The following RFX7 variants were observed in gnomAD, a reference collection of about 807,000 sequenced individuals.
The protein encoded by RFX7 is DNA-binding protein RFX7.
A neutral mutation model predicts 111.8 loss-of-function variants in RFX7; 26 were observed. The ratio of observed to expected loss-of-function variants is 0.23; its 90% CI spans 0.17 to 0.32. RFX7 has a LOEUF of 0.32. Among genes scored for constraint, RFX7 ranks in the 10% least tolerant of loss-of-function variants. The probability of loss-of-function intolerance (pLI) is 1.00; values close to 1 mark genes in which losing one functional copy is unlikely to be tolerated. For synonymous variants in RFX7, 624 were observed against 624.4 expected (o/e 1.00, Z 0.01); for missense variants, 1,573 against 1,772.9 (o/e 0.89, Z 2.02).
At chr15:56,118,781 A>G (rs1296166606) in intron 5 of RFX7, among the ~76,000 whole-genome samples, 1 of 152,202 alleles carries the variant, frequency 6.6e-6, no homozygotes, top group African/African-American at 2.4e-5. Context: ...ACTATTCTCT[A>G]CAGTAGCTTT....
At chr15:56,170,578 T>C (rs1460413374) in intron 3 of RFX7, among the ~76,000 whole-genome samples, 2 of 152,186 alleles carry the variant, frequency 1.3e-5, no homozygotes, top group Non-Finnish European at 2.9e-5. Flanking sequence ...AGGGCAAATA[T>C]TGCCTCTGGT....
intron 5 of RFX7, among the ~76,000 whole-genome samples, chr15:56,141,418 T>C (rs2042391353): frequency 6.6e-6 from 1 of 151,706 alleles, no homozygotes; most frequent in Non-Finnish European, 1.5e-5. Flanking sequence ...TCATACATCT[T>C]CAACTGCCTC....
At chr15:56,098,480 C>T in intron 8 of RFX7, 104 bp from the exon 9 acceptor site, 1 of 1,183,690 alleles carries the variant, frequency 8.4e-7, no homozygotes, top group South Asian at 1.5e-5. Context: ...GACAAAGCAA[C>T]CAAAATGGCA....
Position 56,200,843 on chromosome 15 carries a change from T to C in RFX7, c.162-21540A>G, listed in dbSNP as rs1003326572. Among the ~76,000 whole-genome samples the C allele has an allele frequency of 2.6e-5, 4 of 151,568 alleles. No homozygotes were observed. The South Asian group carries it at 6.2e-4, about 24-fold the overall frequency. On this transcript the variant is annotated intron_variant, in intron 2 of 9. Coordinates refer to ENST00000559447, the MANE Select transcript of RFX7 (RefSeq NM_022841.7). ...GTCAGAGATAAGGCAGATCTTTAAA[T>C]TGAGAAAAACAAGAGGATAAATGTG... is the stretch of plus-strand genomic sequence containing the variant.
At chr15:56,202,792 A>G (rs2043206348) in intron 2 of RFX7, among the ~76,000 whole-genome samples, 2 of 152,216 alleles carry the variant, frequency 1.3e-5, no homozygotes, top group African/African-American at 4.8e-5. Context: ...AGTCTGGGCG[A>G]CAGGGCAAGA....
chr15:56,217,847 C>T (rs1053841157), intron 2 of RFX7, among the ~76,000 whole-genome samples: 4 of 152,134 alleles, frequency 2.6e-5, no homozygotes, highest in African/African-American at 4.8e-5. Flanking sequence ...TTCACTCAAT[C>T]GAGCCAATCT....
intron 5 of RFX7, among the ~76,000 whole-genome samples, chr15:56,140,331 T>G (rs1300314500): frequency 6.6e-6 from 1 of 152,212 alleles, no homozygotes; most frequent in Non-Finnish European, 1.5e-5. Context: ...CGCCGCTTTT[T>G]AAGCCCGTCG....
intron 2 of RFX7, among the ~76,000 whole-genome samples, chr15:56,241,531 A>T (rs548820265): frequency 6.6e-6 from 1 of 152,264 alleles, no homozygotes; most frequent in East Asian, 1.9e-4. Context: ...CAAGGTGCTT[A>T]ATTCAATTTA....
chr15:56,138,984 C>A (rs28808273), intron 5 of RFX7, among the ~76,000 whole-genome samples: 2,522 of 152,018 alleles, frequency 0.017, 87 homozygotes, highest in African/African-American at 0.057. Flanking sequence ...CCGAGAGATC[C>A]GCTGTTAGTC....
intron 5 of RFX7, among the ~76,000 whole-genome samples, chr15:56,135,298 A>T (rs1340577731): frequency 6.6e-5 from 10 of 152,218 alleles, no homozygotes; most frequent in South Asian, 2.1e-4. Context: ...CTTTTTAATG[A>T]TCGCCATTCT....
In RFX7 at chr15:56,219,148, T is replaced by C. The variant is rs777710410; in HGVS notation, c.161+23977A>G. On this transcript the variant is annotated intron_variant, in intron 2 of 9. Transcript: ENST00000559447. Reference sequence around the variant, plus strand: ...TTTAGTTAAATCAGTTCTTACTTCATATACATTGACACTCCAATATTAGAT... The same window carrying C: ...TTTAGTTAAATCAGTTCTTACTTCACATACATTGACACTCCAATATTAGAT... Among the ~76,000 whole-genome samples the C allele has an allele frequency of 1.5e-3, 221 of 152,312 alleles. 2 individuals carry two copies. The highest frequency in any genetic ancestry group is 2.1e-4 in the South Asian group (1 of 4,828).
chr15:56,243,226 G>A lies in RFX7; in HGVS notation c.60C>T (p.Pro20=), dbSNP rs2043731275. The A allele has an allele frequency of 1.5e-6, 2 of 1,328,856 alleles. No homozygotes were observed. Among genetic ancestry groups the A allele is most frequent in the South Asian group, 1.2e-5 (1 of 82,904 alleles). 82.3% of individuals were successfully genotyped at this position (1,328,856 alleles called of 1,614,324 possible). Residue 20 remains proline (P), a synonymous_variant, in exon 2 of 10, where the codon CCC becomes CCT. Transcript: ENST00000559447. ...PQQPDAHQQL[P]PSAPNSGVAL... is the part of the protein sequence containing the mutation. Reference sequence around the variant, plus strand: ...CCACCCCCGAGTTGGGGGCGCTGGGGGGAAGCTGCTGATGGGCATCAGGCT... The same window carrying A: ...CCACCCCCGAGTTGGGGGCGCTGGGAGGAAGCTGCTGATGGGCATCAGGCT...
In RFX7 at chr15:56,093,758, C is replaced by T. The variant is rs776758445; in HGVS notation, c.3970G>A (p.Gly1324Ser). ...PSYLTKSNST[G>S]QINFSPGDNQ... ...TCTCCAGGAGAAAAATTGATCTGAC[C>T]GGTGCTATTACTTTTGGTGAGGTAA... The change falls in exon 10 of 10, where the codon GGT becomes AGT. Residue 1324 changes from glycine (G) to serine (S), a missense_variant. Gly to Ser is a moderately conservative substitution (Grantham distance 56). Around this residue, in one of 7 missense-constraint regions of RFX7, gnomAD observed 411 missense variants for 478.1 expected, o/e 0.86. Transcript: ENST00000559447. 2.4e-5 allele frequency: 38 copies of T among 1,613,650 alleles called. No individual in the cohort carries two copies. The highest frequency in any genetic ancestry group is 1.3e-4 in the East Asian group (6 of 44,876).
chr15:56,136,788 C>A (rs1223292373), intron 5 of RFX7, among the ~76,000 whole-genome samples: 6 of 141,658 alleles, frequency 4.2e-5, no homozygotes, highest in South Asian at 2.4e-4. Flanking sequence ...TGAGATACGT[C>A]CCATCAATAC....
Position 56,225,443 on chromosome 15 carries a change from GCACTC to G in RFX7, c.161+17677_161+17681del, listed in dbSNP as rs549824756. 2.3e-3 allele frequency among the ~76,000 whole-genome samples: 344 copies of G among 152,266 alleles called. 1 individual carries two copies. The highest frequency in any genetic ancestry group is 7.8e-3 in the African/African-American group (325 of 41,568). ...TACTGCACTGCCAGTGCTGGAATAT[GCACTC>G]CAACTTACTTAAAAACTGATTTTAA... On this transcript the variant is annotated intron_variant, in intron 2 of 9. Coordinates refer to ENST00000559447, the MANE Select transcript of RFX7 (RefSeq NM_022841.7).
At chr15:56,204,935 C>T (rs72738658) in intron 2 of RFX7, among the ~76,000 whole-genome samples, 19,759 of 152,046 alleles carry the variant, frequency 0.13, 1,645 homozygotes, top group East Asian at 0.43. Flanking sequence ...GTAGTATACA[C>T]AGAAACATCT....
chr15:56,094,434 A>G lies in RFX7; in HGVS notation c.3294T>C (p.His1098=). 2 of 1,613,972 alleles carry G rather than the reference A, an allele frequency of 1.2e-6. No individual in the cohort carries two copies. Among genetic ancestry groups the G allele is most frequent in the Non-Finnish European group, 1.7e-6 (2 of 1,179,868 alleles). ...AAGACTGTCCAGGCACAGCAAAAGC[A>G]TGAGGTTTCCTGAAACGGTCTTCCA... ...ELVEDRFRKP[H]AFAVPGQSYQ... The change falls in exon 10 of 10, where the codon CAT becomes CAC. Residue 1098 remains histidine (H), a synonymous_variant. Coordinates refer to ENST00000559447, the MANE Select transcript of RFX7 (RefSeq NM_022841.7).
chr15:56,228,770 C>G (rs778394972), intron 2 of RFX7, among the ~76,000 whole-genome samples: 9 of 152,112 alleles, frequency 5.9e-5, no homozygotes, highest in Non-Finnish European at 1.2e-4. Flanking sequence ...GTAGTCCCCC[C>G]TCATTCTCGA....
Position 56,094,215 on chromosome 15 carries a change from A to C in RFX7, c.3513T>G (p.Val1171=). The C allele has an allele frequency of 1.2e-6, 2 of 1,613,986 alleles. No homozygotes were observed. The highest frequency in any genetic ancestry group is 1.3e-5 in the African/African-American group (1 of 75,046). Residue 1171 remains valine, a synonymous_variant, in exon 10 of 10, where the codon GTT becomes GTG. Coordinates refer to ENST00000559447, the MANE Select transcript of RFX7 (RefSeq NM_022841.7). The part of the protein sequence containing the change: ...NFRCRSVSPA[V]HRQRNLSGST... ...TTCCACTAAGATTACGTTGGCGATG[A>C]ACAGCAGGGCTCACACTCCGGCATC...
Sources: gnomAD v4.1 joint callset for allele counts (sites outside exome capture counted in the v4.1 genomes callset) on GRCh38, gnomAD v4.1.1 for gene constraint, gnomAD v4.1.1 regional missense constraint, MANE v1.5 for transcripts, NCBI Gene and HGNC (gene_info 2026-07-23, HGNC 2026-07-21) for gene names.